The following SNTG1 variants were observed in gnomAD, a reference collection of about 807,000 sequenced individuals.
The protein encoded by SNTG1 is syntrophin gamma 1, also known as gamma-1-syntrophin.
In SNTG1, 39 loss-of-function variants were observed where a neutral mutation model predicts 74.7. That is an observed-to-expected ratio of 0.52 (90% CI 0.40 to 0.68). SNTG1 has a LOEUF of 0.68. SNTG1 is among the 30% of genes least tolerant of loss of function. The pLI, the probability that SNTG1 is intolerant of heterozygous loss-of-function variation, is 0.00. For synonymous variants in SNTG1, 254 were observed against 217.1 expected (o/e 1.17, Z -1.49); for missense variants, 685 against 609.5 (o/e 1.12, Z -1.30).
intron 1 of SNTG1, among the ~76,000 whole-genome samples, chr8:50,125,911 G>A (rs2081123704): frequency 6.6e-6 from 1 of 152,174 alleles, no homozygotes; most frequent in Non-Finnish European, 1.5e-5. Flanking sequence ...GCTATGTGTA[G>A]AGTCTGTGCA....
chr8:50,256,331 T>C (rs1032467629), intron 2 of SNTG1, among the ~76,000 whole-genome samples: 4 of 152,092 alleles, frequency 2.6e-5, no homozygotes, highest in Non-Finnish European at 4.4e-5. Context: ...AGTGAAAGAC[T>C]AGTCATTATA....
At chr8:50,348,328 C>G (rs2091544530) in intron 2 of SNTG1, among the ~76,000 whole-genome samples, 1 of 152,162 alleles carries the variant, frequency 6.6e-6, no homozygotes, top group Non-Finnish European at 1.5e-5. Flanking sequence ...TCCCAGGATG[C>G]TCCTCATCCC....
At chr8:50,165,377 G>T (rs751425582) in intron 1 of SNTG1, among the ~76,000 whole-genome samples, 43 of 152,274 alleles carry the variant, frequency 2.8e-4, no homozygotes, top group Admixed American at 7.8e-4. Context: ...AATCATTTTT[G>T]CAGGTAGTGA....
intron 1 of SNTG1, among the ~76,000 whole-genome samples, chr8:50,101,693 T>C (rs2080130603): frequency 6.6e-6 from 1 of 152,034 alleles, no homozygotes; most frequent in Admixed American, 6.6e-5. Context: ...TATCTCCTAA[T>C]GCTATCCCTC....
intron 1 of SNTG1, among the ~76,000 whole-genome samples, chr8:49,927,159 G>A (rs1438687987): frequency 6.6e-6 from 1 of 152,166 alleles, no homozygotes; most frequent in Non-Finnish European, 1.5e-5. Flanking sequence ...TGGTAGAAAT[G>A]CAAAATGGTA....
At chr8:50,423,688 G>A (rs1478735417) in intron 4 of SNTG1, among the ~76,000 whole-genome samples, 1 of 152,102 alleles carries the variant, frequency 6.6e-6, no homozygotes, top group African/African-American at 2.4e-5. Context: ...GTAAATTAAA[G>A]CTCAGTACAT....
chr8:50,693,106 C>A (rs113562006), intron 15 of SNTG1, among the ~76,000 whole-genome samples: 2 of 152,128 alleles, frequency 1.3e-5, no homozygotes, highest in East Asian at 3.9e-4. Context: ...ATTGGAAAAG[C>A]GCAGTATTAG....
At chr8:50,281,357 C>G (rs1227333409) in intron 2 of SNTG1, among the ~76,000 whole-genome samples, 1 of 152,130 alleles carries the variant, frequency 6.6e-6, no homozygotes, top group African/African-American at 2.4e-5. Context: ...TTGGAATCCC[C>G]TTGGTTCATA....
At chr8:50,598,604 A>T (rs117877285) in intron 13 of SNTG1, among the ~76,000 whole-genome samples, 2,394 of 152,086 alleles carry the variant, frequency 0.016, 36 homozygotes, top group Middle Eastern at 0.037. Context: ...TGCTTTAAAA[A>T]ATCTGTGAAA....
chr8:50,511,454 A>C (rs1198661489), intron 9 of SNTG1, among the ~76,000 whole-genome samples: 1 of 152,136 alleles, frequency 6.6e-6, no homozygotes, highest in Non-Finnish European at 1.5e-5. Flanking sequence ...AGCTGAGTTC[A>C]ATTCCTGGAT....
intron 2 of SNTG1, among the ~76,000 whole-genome samples, chr8:50,179,288 G>T (rs943677238): frequency 5.3e-5 from 8 of 152,094 alleles, no homozygotes; most frequent in African/African-American, 1.9e-4. Flanking sequence ...TTGGTTATTT[G>T]AGTCTTTCAG....
chr8:50,161,594 T>C (rs1335908293), intron 1 of SNTG1, among the ~76,000 whole-genome samples: 1 of 152,096 alleles, frequency 6.6e-6, no homozygotes, highest in Non-Finnish European at 1.5e-5. Flanking sequence ...TTGTGTGTGG[T>C]GTATCTGTTG....
chr8:50,647,040 C>T (rs1253606408), intron 13 of SNTG1, among the ~76,000 whole-genome samples: 3 of 152,056 alleles, frequency 2.0e-5, no homozygotes, highest in African/African-American at 7.2e-5. Flanking sequence ...TAGACACAAA[C>T]CTTACACCTT....
At chr8:49,975,659 T>C (rs981551660) in intron 1 of SNTG1, among the ~76,000 whole-genome samples, 4 of 152,134 alleles carry the variant, frequency 2.6e-5, no homozygotes, top group Admixed American at 6.5e-5. Flanking sequence ...ACATAAATCA[T>C]AGGTAGTCCA....
chr8:50,148,216 T>A (rs1361111076), intron 1 of SNTG1, among the ~76,000 whole-genome samples: 32 of 152,040 alleles, frequency 2.1e-4, no homozygotes. Context: ...GGTATAAAAA[T>A]GATTATGAAT....
chr8:50,680,003 T>C (rs528470953), intron 15 of SNTG1, among the ~76,000 whole-genome samples: 1 of 152,260 alleles, frequency 6.6e-6, no homozygotes, highest in African/African-American at 2.4e-5. Flanking sequence ...TTCTGTTGCA[T>C]GGAATCAAGA....
Position 50,320,805 on chromosome 8 carries a change from G to A in SNTG1, c.-27-73407G>A, listed in dbSNP as rs114321729. On this transcript the variant is annotated intron_variant, in intron 2 of 18. Coordinates refer to ENST00000642720, the MANE Select transcript of SNTG1 (RefSeq NM_018967.5). The stretch of plus-strand genomic sequence containing the variant: ...TTCAGGATCATATCGTTTCATTTTC[G>A]TGTGTTTGTATAGTTTCCAAAATTC... Among the ~76,000 whole-genome samples the A allele has an allele frequency of 2.0e-3, 309 of 151,054 alleles. 1 individual carries two copies. Among genetic ancestry groups the A allele is most frequent in the African/African-American group, 7.2e-3 (292 of 40,698 alleles).
rs140156251 is a variant in SNTG1 at position 50,325,677 on chromosome 8, G to T, written c.-27-68535G>T. ...AAACAAAGAAAACTTGTTAAAACTT[G>T]CTTAAAAAGCTTGCAAACAAAACAT... On this transcript the variant is annotated intron_variant, in intron 2 of 18. Transcript: ENST00000642720. Among the ~76,000 whole-genome samples, 41 of 152,102 alleles carry T rather than the reference G, an allele frequency of 2.7e-4. 1 individual carries two copies. In the East Asian group the frequency reaches 4.2e-3, roughly 16 times the overall value.
intron 2 of SNTG1, among the ~76,000 whole-genome samples, chr8:50,379,970 C>G (rs2092454360): frequency 1.3e-5 from 2 of 152,154 alleles, no homozygotes; most frequent in Admixed American, 1.3e-4. Flanking sequence ...ATGAGGGCAG[C>G]AATGAACTCT....
Sources: allele counts gnomAD v4.1 joint callset (sites outside exome capture counted in the v4.1 genomes callset), GRCh38; gene constraint gnomAD v4.1.1; transcripts MANE v1.5; gene names NCBI Gene and HGNC (gene_info 2026-07-23, HGNC 2026-07-21).